Variants in RAB30 observed in about 807,000 individuals in gnomAD.
RAB30 encodes the protein ras-related protein Rab-30.
Under a neutral mutation model 25.1 loss-of-function variants are expected in RAB30, and 9 were observed. That is an observed-to-expected ratio of 0.36 (90% confidence interval 0.22 to 0.63). The LOEUF is 0.63. Among genes scored for constraint, RAB30 ranks in the 20% least tolerant of loss-of-function variants. The pLI, the probability that RAB30 is intolerant of heterozygous loss-of-function variation, is 0.69. For missense variants in RAB30, 140 were observed against 243.5 expected, an observed-to-expected ratio of 0.58 and a Z score of 2.83; for synonymous variants, 77 against 86.4, an observed-to-expected ratio of 0.89 and a Z score of 0.60.
chr11:83,009,331 G>A (rs1031582286), intron 1 of RAB30, among the ~76,000 whole-genome samples: 6 of 152,168 alleles, frequency 3.9e-5, no homozygotes, highest in Admixed American at 2.0e-4. Context: ...CTCCCAAAGT[G>A]CTGGAATTAC....
intron 1 of RAB30, among the ~76,000 whole-genome samples, chr11:83,012,642 G>A (rs76438701): frequency 0.14 from 20,609 of 152,070 alleles, 1,882 homozygotes; most frequent in African/African-American, 0.26. Flanking sequence ...CCATAGGACC[G>A]TTGTGCAGAT....
At chr11:82,997,373 C>G in intron 1 of RAB30, 49 bp from the exon 2 acceptor site, 2 of 1,314,876 alleles carry the variant, frequency 1.5e-6, no homozygotes, top group South Asian at 1.2e-5. Flanking sequence ...TCAGACTTGC[C>G]CACAGAGCTC....
At chr11:83,037,235 T>A (rs9666172) in intron 1 of RAB30, among the ~76,000 whole-genome samples, 1 of 152,242 alleles carries the variant, frequency 6.6e-6, no homozygotes, top group South Asian at 2.1e-4. Flanking sequence ...ATTACAATTT[T>A]AAAAAATAAA....
At chr11:83,002,748 A>C (rs1341313146) in intron 1 of RAB30, among the ~76,000 whole-genome samples, 1 of 152,174 alleles carries the variant, frequency 6.6e-6, no homozygotes, top group African/African-American at 2.4e-5. Context: ...ACTCATGATC[A>C]CACTGCTGCA....
intron 4 of RAB30, chr11:82,987,374 A>G: frequency 2.5e-6 from 1 of 401,022 alleles, no homozygotes; most frequent in Non-Finnish European, 4.3e-6. Flanking sequence ...GCCTACATTG[A>G]TAGAAAATGT....
At chr11:83,003,319 C>G (rs1215972200) in intron 1 of RAB30, among the ~76,000 whole-genome samples, 1 of 152,082 alleles carries the variant, frequency 6.6e-6, no homozygotes, top group East Asian at 1.9e-4. Flanking sequence ...AAAATACAGA[C>G]AAGCAAAAAG....
At chr11:82,992,223 T>G in intron 3 of RAB30, 3 of 442,012 alleles carry the variant, frequency 6.8e-6, no homozygotes, top group South Asian at 4.9e-5. Context: ...CACTCCTGTC[T>G]CTCTTTCCTG....
Position 82,975,445 on chromosome 11 carries a change from A to G in RAB30, c.*6720T>C, listed in dbSNP as rs1283104262. 4 of 152,108 alleles carry G rather than the reference A, an allele frequency of 2.6e-5. No homozygotes were observed. The highest frequency in any genetic ancestry group is 9.7e-5 in the African/African-American group (4 of 41,424). The allele number at this position is 152,108 out of a possible 1,614,324, so 9.4% of individuals were successfully genotyped here. A position where few individuals can be genotyped will look rare whatever the true frequency, so the allele number is the denominator to read the frequency against. ...TTATCTTTTGCTTTTCTGTACATGA[A>G]TTTTTTCTTTATTAGGCATTTTGTA... On this transcript the variant is annotated 3_prime_UTR_variant, in exon 5 of 5. Transcript: ENST00000527633.
rs1025122558 is a variant in RAB30 at position 82,975,613 on chromosome 11, C to T, written c.*6552G>A. On this transcript the variant is annotated 3_prime_UTR_variant, in exon 5 of 5. Transcript: ENST00000527633. Reference sequence around the variant, plus strand: ...ACCGAGATTCATGCCTCCATTTTTACCAAGGGGAGGAAACAAGAGCCATAC... The same window carrying T: ...ACCGAGATTCATGCCTCCATTTTTATCAAGGGGAGGAAACAAGAGCCATAC... 1.1e-4 allele frequency: 17 copies of T among 152,148 alleles called. No homozygotes were observed. The highest frequency in any genetic ancestry group is 4.1e-4 in the African/African-American group (17 of 41,522). The allele number at this position is 152,148 out of a possible 1,614,324, so 9.4% of individuals were successfully genotyped here. A position where few individuals can be genotyped will look rare whatever the true frequency, so the allele number is the denominator to read the frequency against.
intron 1 of RAB30, among the ~76,000 whole-genome samples, chr11:83,011,108 TA>T (rs1226391703): frequency 6.6e-6 from 1 of 152,256 alleles, no homozygotes; most frequent in Admixed American, 6.5e-5. Context: ...TGAAGTTTGT[TA>T]TTTTTTAAAA....
chr11:83,060,969 G>A (rs767623814), intron 1 of RAB30, among the ~76,000 whole-genome samples: 4 of 152,212 alleles, frequency 2.6e-5, no homozygotes, highest in Admixed American at 1.3e-4. Context: ...TCCTGTCCTC[G>A]GACAACAACT....
intron 1 of RAB30, among the ~76,000 whole-genome samples, chr11:83,051,301 T>A (rs968615196): frequency 6.6e-6 from 1 of 152,132 alleles, no homozygotes; most frequent in African/African-American, 2.4e-5. Context: ...AGAAATAAAC[T>A]TCATTTTTAT....
At chr11:82,984,314 T>C (rs1319961280) in intron 4 of RAB30, among the ~76,000 whole-genome samples, 2 of 152,218 alleles carry the variant, frequency 1.3e-5, no homozygotes, top group Non-Finnish European at 2.9e-5. Flanking sequence ...GTTGTTATAA[T>C]AGATTTAGTC....
At position 83,051,141 on chromosome 11, in the gene RAB30, A is replaced by C. The variant is rs561615409; in HGVS notation, c.-9+20550T>G. Among the ~76,000 whole-genome samples the C allele has an allele frequency of 4.9e-4, 74 of 152,286 alleles. No individual in the cohort carries two copies. In the South Asian group the frequency reaches 0.015, roughly 30 times the overall value. ...CAGACCTGGCCCATGGAATCCTTCC[A>C]TGTGAGATCCTTCCATCTCCTTCTC... On this transcript the variant is annotated intron_variant, in intron 1 of 4. Coordinates refer to ENST00000527633, the MANE Select transcript of RAB30 (RefSeq NM_001286060.2).
intron 1 of RAB30, among the ~76,000 whole-genome samples, chr11:83,049,254 T>C (rs1170437045): frequency 3.3e-5 from 5 of 151,650 alleles, no homozygotes; most frequent in Admixed American, 1.3e-4. Context: ...CTACTAAAAA[T>C]ACAAAAATTA....
intron 1 of RAB30, among the ~76,000 whole-genome samples, chr11:83,023,936 A>T (rs1424321634): frequency 2.6e-5 from 4 of 152,188 alleles, no homozygotes; most frequent in African/African-American, 9.7e-5. Context: ...TACAGAGGTC[A>T]GAGTCTCCTA....
intron 1 of RAB30, among the ~76,000 whole-genome samples, chr11:83,025,587 A>G (rs949363664): frequency 2.0e-5 from 3 of 152,234 alleles, no homozygotes; most frequent in Admixed American, 2.0e-4. Flanking sequence ...GAGAGTTAAC[A>G]TGTTTACTGG....
At chr11:83,005,845 T>C (rs979313562) in intron 1 of RAB30, among the ~76,000 whole-genome samples, 1 of 151,874 alleles carries the variant, frequency 6.6e-6, no homozygotes, top group Non-Finnish European at 1.5e-5. Context: ...GCATAAAAAG[T>C]TCCTACAAAA....
intron 3 of RAB30, among the ~76,000 whole-genome samples, chr11:82,992,993 GCCAC>G (rs1454469974): frequency 2.0e-5 from 3 of 152,176 alleles, no homozygotes; most frequent in African/African-American, 7.2e-5. Context: ...ATAGGCGTGA[GCCAC>G]TGTACCAGGC....
Sources: gnomAD v4.1 joint callset for allele counts (sites outside exome capture counted in the v4.1 genomes callset) on GRCh38, gnomAD v4.1.1 for gene constraint, MANE v1.5 for transcripts, NCBI Gene and HGNC (gene_info 2026-07-23, HGNC 2026-07-21) for gene names.